ACOXL: variants seen among roughly 807,000 people sequenced by gnomAD.
The protein encoded by ACOXL is acyl-coenzyme A oxidase-like protein.
In ACOXL, 70 loss-of-function variants were observed where a neutral mutation model predicts 71.9. That is an observed-to-expected ratio of 0.97 (90% CI 0.80 to 1.19). The LOEUF (loss-of-function observed/expected upper bound fraction) is 1.19, where lower values mean the gene tolerates loss of function less well. Among genes scored for constraint, ACOXL ranks in the 50% most tolerant of loss-of-function variants. The pLI is 0.00. For synonymous variants in ACOXL, 253 were observed against 281.6 expected (o/e 0.90, Z 1.02); for missense variants, 703 against 736.3 (o/e 0.95, Z 0.52).
intron 9 of ACOXL, among the ~76,000 whole-genome samples, chr2:110,821,956 AGT>A (rs892565817): frequency 1.3e-4 from 20 of 150,222 alleles, no homozygotes; most frequent in Admixed American, 1.3e-3. Flanking sequence ...TGTGCATGTG[AGT>A]GTGTGTGTGA....
intron 13 of ACOXL, among the ~76,000 whole-genome samples, chr2:110,993,077 T>C (rs1380515348): frequency 6.6e-6 from 1 of 152,232 alleles, no homozygotes; most frequent in African/African-American, 2.4e-5. Flanking sequence ...AAATAAACTG[T>C]AGACATCAGC....
chr2:110,885,934 T>C (rs1174729751), intron 10 of ACOXL, among the ~76,000 whole-genome samples: 1 of 152,346 alleles, frequency 6.6e-6, no homozygotes, highest in East Asian at 1.9e-4. Flanking sequence ...CCTATTTTAT[T>C]GTGTAAAGTG....
intron 9 of ACOXL, among the ~76,000 whole-genome samples, chr2:110,837,617 C>T (rs902982281): frequency 5.3e-5 from 8 of 151,856 alleles, no homozygotes; most frequent in Admixed American, 1.3e-4. Context: ...TGTCTGAGCT[C>T]GCTGGGTCAT....
intron 14 of ACOXL, among the ~76,000 whole-genome samples, chr2:111,024,683 C>A (rs2064935459): frequency 6.6e-6 from 1 of 151,880 alleles, no homozygotes; most frequent in Non-Finnish European, 1.5e-5. Context: ...TGGCTGAGTT[C>A]CAAGCAGGTA....
At chr2:110,930,663 G>T (rs2060447296) in intron 11 of ACOXL, among the ~76,000 whole-genome samples, 1 of 152,168 alleles carries the variant, frequency 6.6e-6, no homozygotes, top group South Asian at 2.1e-4. Context: ...AATTCCATGT[G>T]TTGTGGGAAG....
At chr2:110,961,440 A>G (rs1009359587) in intron 12 of ACOXL, among the ~76,000 whole-genome samples, 4 of 152,190 alleles carry the variant, frequency 2.6e-5, no homozygotes, top group Non-Finnish European at 4.4e-5. Flanking sequence ...CTTTCTGGTC[A>G]TTTTAAAGCC....
intron 11 of ACOXL, among the ~76,000 whole-genome samples, chr2:110,915,336 T>TATATA (rs1558721442): frequency 3.3e-4 from 43 of 130,814 alleles, no homozygotes; most frequent in African/African-American, 1.1e-3. Context: ...TATATGCATT[T>TATATA]TATATATATA....
intron 12 of ACOXL, among the ~76,000 whole-genome samples, chr2:110,950,911 G>T (rs1464302876): frequency 6.6e-6 from 1 of 151,450 alleles, no homozygotes; most frequent in Non-Finnish European, 1.5e-5. Flanking sequence ...TGTGCTAGAG[G>T]GTCTCTCTCT....
At chr2:111,001,960 C>CAA (rs1171630375) in intron 14 of ACOXL, among the ~76,000 whole-genome samples, 2 of 152,230 alleles carry the variant, frequency 1.3e-5, no homozygotes, top group African/African-American at 4.8e-5. Flanking sequence ...CTCCTGTAGT[C>CAA]ACGCCCTCAT....
At chr2:110,885,718 C>G (rs1038474036) in intron 10 of ACOXL, among the ~76,000 whole-genome samples, 3 of 152,048 alleles carry the variant, frequency 2.0e-5, no homozygotes, top group Non-Finnish European at 4.4e-5. Flanking sequence ...TTTTATACCT[C>G]TGTATTTTGG....
intron 9 of ACOXL, among the ~76,000 whole-genome samples, chr2:110,816,179 GGATA>G (rs1294342662): frequency 6.6e-6 from 1 of 151,994 alleles, no homozygotes; most frequent in African/African-American, 2.4e-5. Context: ...ACGGATGGAT[GGATA>G]GATGGATGAA....
chr2:110,867,022 G>A (rs1223207340), intron 10 of ACOXL, among the ~76,000 whole-genome samples: 1 of 152,176 alleles, frequency 6.6e-6, no homozygotes, highest in Non-Finnish European at 1.5e-5. Context: ...GGGTAGGAAC[G>A]CCCTGCAGAC....
chr2:110,805,017 G>A (rs548096033), intron 8 of ACOXL, among the ~76,000 whole-genome samples: 1 of 152,330 alleles, frequency 6.6e-6, no homozygotes, highest in East Asian at 1.9e-4. Flanking sequence ...TGTGCGGTCT[G>A]CACAGTCAGG....
At position 110,778,954 on chromosome 2, in the gene ACOXL, A is replaced by C. The variant is rs79714136; in HGVS notation, c.76-5778A>C. The stretch of plus-strand genomic sequence containing the variant: ...ATGTCAATAAGATACGTTCATTATT[A>C]CCTGCCACCAATATCAATCGATTCT... On this transcript the variant is annotated intron_variant, in intron 2 of 17. Transcript: ENST00000439055. Among the ~76,000 whole-genome samples, 150 of 152,358 alleles carry C rather than the reference A, an allele frequency of 9.8e-4. 3 individuals are homozygous for C. In the East Asian group the frequency reaches 0.028, roughly 28 times the overall value.
chr2:110,820,706 A>G (rs1688495271), intron 9 of ACOXL, among the ~76,000 whole-genome samples: 1 of 152,140 alleles, frequency 6.6e-6, no homozygotes, highest in African/African-American at 2.4e-5. Context: ...TCTAATTTGT[A>G]TTTGTGGCAG....
intron 9 of ACOXL, among the ~76,000 whole-genome samples, chr2:110,828,508 T>C (rs944891608): frequency 6.6e-6 from 1 of 152,250 alleles, no homozygotes; most frequent in African/African-American, 2.4e-5. Flanking sequence ...CTTTCTGGCA[T>C]TGACAATCGC....
chr2:110,986,166 A>G (rs2062923688), intron 12 of ACOXL, among the ~76,000 whole-genome samples: 2 of 152,246 alleles, frequency 1.3e-5, no homozygotes, highest in African/African-American at 4.8e-5. Context: ...AACAAATAGA[A>G]TTCTACATAA....
intron 16 of ACOXL, among the ~76,000 whole-genome samples, chr2:111,068,773 G>C (rs140765938): frequency 1.3e-5 from 2 of 152,240 alleles, no homozygotes; most frequent in East Asian, 3.9e-4. Context: ...ACTAATGCAG[G>C]CTTCCTCTGT....
At chr2:111,045,528 T>C (rs1266474816) in intron 15 of ACOXL, among the ~76,000 whole-genome samples, 1 of 152,208 alleles carries the variant, frequency 6.6e-6, no homozygotes, top group East Asian at 1.9e-4. Context: ...CCTTCTGCCA[T>C]GATTGTAAGT....
Sources: gnomAD v4.1 joint callset for allele counts (sites outside exome capture counted in the v4.1 genomes callset) on GRCh38, gnomAD v4.1.1 for gene constraint, MANE v1.5 for transcripts, NCBI Gene and HGNC (gene_info 2026-07-23, HGNC 2026-07-21) for gene names.